The following ATP11B variants were observed in gnomAD, a reference collection of about 807,000 sequenced individuals.
ATP11B encodes the protein phospholipid-transporting ATPase IF.
ATP11B carries 81 observed loss-of-function variants against 157.8 expected under a neutral mutation model. The observed-to-expected ratio is 0.51, with a 90% CI of 0.43 to 0.62. The LOEUF is 0.62. Ranked by LOEUF, ATP11B falls within the 20% of genes least tolerant of loss-of-function variation. The pLI, the probability that ATP11B is intolerant of heterozygous loss-of-function variation, is 0.00. For missense variants in ATP11B, 1,165 were observed against 1,402.2 expected, an observed-to-expected ratio of 0.83 and a Z score of 2.70; for synonymous variants, 451 against 469.4, an observed-to-expected ratio of 0.96 and a Z score of 0.51.
chr3:182,819,855 T>C (rs1189187430), intron 1 of ATP11B, among the ~76,000 whole-genome samples: 1 of 152,050 alleles, frequency 6.6e-6, no homozygotes, highest in Non-Finnish European at 1.5e-5. Flanking sequence ...TCCATAGAAA[T>C]GAAAGGGAAG....
intron 10 of ATP11B, among the ~76,000 whole-genome samples, chr3:182,856,614 TAA>T (rs1720424768): frequency 6.6e-6 from 1 of 152,188 alleles, no homozygotes; most frequent in South Asian, 2.1e-4. Context: ...TTCTCATGTA[TAA>T]AAATGCGAGC....
intron 10 of ATP11B, among the ~76,000 whole-genome samples, chr3:182,855,081 A>T (rs1720282658): frequency 6.6e-6 from 1 of 152,210 alleles, no homozygotes; most frequent in African/African-American, 2.4e-5. Context: ...TGAAATTTAG[A>T]TAGAAAAGCA....
intron 10 of ATP11B, among the ~76,000 whole-genome samples, chr3:182,853,796 A>G (rs1720165771): frequency 6.6e-6 from 1 of 152,220 alleles, no homozygotes; most frequent in African/African-American, 2.4e-5. Flanking sequence ...AGGTAATACT[A>G]AAGTGTATAT....
intron 28 of ATP11B, among the ~76,000 whole-genome samples, chr3:182,908,219 T>C (rs1724519586): frequency 6.8e-6 from 1 of 146,390 alleles, no homozygotes; most frequent in Non-Finnish European, 1.5e-5. Context: ...TTTTTTTTTT[T>C]TTGAGCTAGA....
chr3:182,823,773 T>C (rs778854286), intron 2 of ATP11B, among the ~76,000 whole-genome samples: 10 of 152,190 alleles, frequency 6.6e-5, no homozygotes, highest in Non-Finnish European at 1.0e-4. Context: ...CATTTGTTTG[T>C]AGTGACACAG....
chr3:182,911,441 G>T (rs796583523), intron 28 of ATP11B, among the ~76,000 whole-genome samples: 1 of 152,032 alleles, frequency 6.6e-6, no homozygotes. Flanking sequence ...TGGTAAAGGG[G>T]TTTGGGCTCT....
chr3:182,819,215 C>A (rs1488241455), intron 1 of ATP11B, among the ~76,000 whole-genome samples: 1 of 151,738 alleles, frequency 6.6e-6, no homozygotes, highest in Admixed American at 6.6e-5. Context: ...ACTACAGGCG[C>A]CCGCCACCAC....
chr3:182,838,522 A>G (rs1009453578), intron 7 of ATP11B, among the ~76,000 whole-genome samples: 3 of 152,094 alleles, frequency 2.0e-5, no homozygotes, highest in African/African-American at 7.2e-5. Flanking sequence ...AATATAAGTA[A>G]AATGTAATCA....
intron 9 of ATP11B, among the ~76,000 whole-genome samples, chr3:182,847,480 C>T (rs780730739): frequency 6.6e-6 from 1 of 152,096 alleles, no homozygotes; most frequent in Non-Finnish European, 1.5e-5. Context: ...GTTGTTTTGC[C>T]TCAGTACCAC....
chr3:182,835,478 G>A (rs560431220), intron 4 of ATP11B, among the ~76,000 whole-genome samples: 1 of 152,264 alleles, frequency 6.6e-6, no homozygotes, highest in Non-Finnish European at 1.5e-5. Flanking sequence ...CAGATTTCTG[G>A]CAAGAACAGC....
chr3:182,870,538 C>T (rs973744223), intron 17 of ATP11B, among the ~76,000 whole-genome samples: 5 of 152,156 alleles, frequency 3.3e-5, no homozygotes, highest in African/African-American at 9.7e-5. Context: ...AATGCTGGCA[C>T]ATAGTTTGTG....
intron 28 of ATP11B, among the ~76,000 whole-genome samples, chr3:182,904,136 A>C (rs555268710): frequency 9.2e-5 from 14 of 152,200 alleles, no homozygotes; most frequent in Non-Finnish European, 2.1e-4. Context: ...CTGTTGAGAG[A>C]GCGGCAGACC....
At chr3:182,844,460 T>A (rs930115600) in intron 8 of ATP11B, 1 of 639,866 alleles carries the variant, frequency 1.6e-6, no homozygotes, top group Non-Finnish European at 1.9e-6. Context: ...TTTTTAACTT[T>A]TCCATAGAAG....
At chr3:182,794,664 A>G (rs1282816175) in intron 1 of ATP11B, among the ~76,000 whole-genome samples, 1 of 152,188 alleles carries the variant, frequency 6.6e-6, no homozygotes, top group African/African-American at 2.4e-5. Context: ...CCCAGAATTA[A>G]TTCAGAGAGA....
chr3:182,842,272 AT>A, intron 8 of ATP11B, 150 bp downstream of exon 8: 1 of 641,864 alleles, frequency 1.6e-6, no homozygotes, highest in Non-Finnish European at 2.7e-6. Context: ...TTTTGTTTAC[AT>A]TTAGTGGTTT....
chr3:182,838,720 A>G (rs1356332793), intron 7 of ATP11B, among the ~76,000 whole-genome samples: 1 of 151,798 alleles, frequency 6.6e-6, no homozygotes, highest in Non-Finnish European at 1.5e-5. Flanking sequence ...AGTTAGAGAC[A>G]GTATTTATAT....
intron 7 of ATP11B, among the ~76,000 whole-genome samples, chr3:182,838,091 A>C (rs1038584406): frequency 6.6e-6 from 1 of 152,022 alleles, no homozygotes; most frequent in Non-Finnish European, 1.5e-5. Flanking sequence ...TTCCAAACTT[A>C]CGTATCTTTT....
intron 1 of ATP11B, among the ~76,000 whole-genome samples, chr3:182,807,550 C>T (rs1258462438): frequency 6.6e-6 from 1 of 152,046 alleles, no homozygotes; most frequent in African/African-American, 2.4e-5. Context: ...TCCTTGGGAG[C>T]TCAAAAATTA....
At chr3:182,803,359 T>C (rs565228183) in intron 1 of ATP11B, among the ~76,000 whole-genome samples, 2 of 152,324 alleles carry the variant, frequency 1.3e-5, no homozygotes, top group Non-Finnish European at 2.9e-5. Context: ...TTGCCCGTTT[T>C]CCATTGGGTA....
Sources: allele counts gnomAD v4.1 joint callset (sites outside exome capture counted in the v4.1 genomes callset), GRCh38; gene constraint gnomAD v4.1.1; transcripts MANE v1.5; gene names NCBI Gene and HGNC (gene_info 2026-07-23, HGNC 2026-07-21).